FRMD5: variants seen among roughly 807,000 people sequenced by gnomAD.
FRMD5 encodes the protein FERM domain-containing protein 5.
FRMD5 carries 20 observed loss-of-function variants against 69.0 expected under a neutral mutation model. That is an observed-to-expected ratio of 0.29 (90% CI 0.20 to 0.42). The LOEUF (loss-of-function observed/expected upper bound fraction) is 0.42, where lower values mean the gene tolerates loss of function less well. Among genes scored for constraint, FRMD5 ranks in the 10% least tolerant of loss-of-function variants. The probability of loss-of-function intolerance (pLI) is 1.00; values close to 1 mark genes in which losing one functional copy is unlikely to be tolerated. For missense variants in FRMD5, 595 were observed against 708.6 expected, an observed-to-expected ratio of 0.84 and a Z score of 1.82; for synonymous variants, 271 against 260.1, an observed-to-expected ratio of 1.04 and a Z score of -0.40.
chr15:44,074,350 T>C (rs183677618), intron 1 of FRMD5, among the ~76,000 whole-genome samples: 52 of 152,280 alleles, frequency 3.4e-4, no homozygotes, highest in Non-Finnish European at 5.9e-5. Flanking sequence ...GAAGTCCTGG[T>C]TGGCTTTGGT....
chr15:43,967,725 A>T (rs1595569854), intron 1 of FRMD5, among the ~76,000 whole-genome samples: 1 of 148,672 alleles, frequency 6.7e-6, no homozygotes, highest in South Asian at 2.2e-4. Context: ...TGCATTTCCT[A>T]TTTTTTTTTG....
rs144294325 is a variant in FRMD5 at position 43,951,234 on chromosome 15, T to C, written c.103-26925A>G. Among the ~76,000 whole-genome samples, 598 of 152,046 alleles carry C rather than the reference T, an allele frequency of 3.9e-3. 4 individuals carry two copies. The highest frequency in any genetic ancestry group is 0.013 in the African/African-American group (549 of 41,490). Reference sequence around the variant, plus strand: ...AGGAGATCGAGACCATCCTGGCTAATACGGTGAAACCCTGTCTGTACTGAA... The same window carrying C: ...AGGAGATCGAGACCATCCTGGCTAACACGGTGAAACCCTGTCTGTACTGAA... On this transcript the variant is annotated intron_variant, in intron 1 of 13. Transcript: ENST00000417257.
intron 7 of FRMD5, among the ~76,000 whole-genome samples, chr15:43,899,547 A>G (rs531296128): frequency 6.6e-6 from 1 of 152,308 alleles, no homozygotes; most frequent in East Asian, 1.9e-4. Flanking sequence ...GGAGAATAAC[A>G]TCTACCTCCC....
chr15:43,911,378 T>G (rs2089284815), intron 4 of FRMD5, among the ~76,000 whole-genome samples: 1 of 152,250 alleles, frequency 6.6e-6, no homozygotes, highest in South Asian at 2.1e-4. Flanking sequence ...CACTCATTCT[T>G]CTTGAGGTTG....
At chr15:44,015,080 CA>C (rs1890896682) in intron 1 of FRMD5, among the ~76,000 whole-genome samples, 1 of 151,684 alleles carries the variant, frequency 6.6e-6, no homozygotes, top group African/African-American at 2.4e-5. Flanking sequence ...GCCAAATCAC[CA>C]CTTAGGACTA....
intron 1 of FRMD5, among the ~76,000 whole-genome samples, chr15:44,156,027 A>G (rs1194989233): frequency 1.3e-5 from 2 of 152,204 alleles, no homozygotes; most frequent in African/African-American, 2.4e-5. Context: ...CAGTGTCACA[A>G]AAGTTGAACC....
At chr15:44,066,082 A>C (rs1454289285) in intron 1 of FRMD5, among the ~76,000 whole-genome samples, 1 of 152,200 alleles carries the variant, frequency 6.6e-6, no homozygotes, top group Non-Finnish European at 1.5e-5. Context: ...TGTAAAGCTA[A>C]AGCATAAATT....
intron 1 of FRMD5, among the ~76,000 whole-genome samples, chr15:44,051,356 G>A (rs1892658406): frequency 1.4e-5 from 2 of 145,538 alleles, no homozygotes; most frequent in Non-Finnish European, 3.0e-5. Flanking sequence ...TTTACCAGGA[G>A]TTGAAGACCA....
chr15:43,876,289 AC>A, intron 13 of FRMD5: 1 of 1,278,694 alleles, frequency 7.8e-7, no homozygotes, highest in Non-Finnish European at 1.1e-6. Flanking sequence ...CCTGGTTTTT[AC>A]CCCAGTTTGA....
intron 1 of FRMD5, among the ~76,000 whole-genome samples, chr15:43,934,553 T>C (rs2089727091): frequency 6.6e-6 from 1 of 152,098 alleles, no homozygotes; most frequent in Non-Finnish European, 1.5e-5. Flanking sequence ...TCAAAGTAAA[T>C]GGAAAGAGTA....
intron 1 of FRMD5, among the ~76,000 whole-genome samples, chr15:44,062,881 A>C (rs1566927396): frequency 6.6e-6 from 1 of 151,820 alleles, no homozygotes; most frequent in Non-Finnish European, 1.5e-5. Context: ...AGGATATCCA[A>C]TTTTTCCTTG....
chr15:44,178,015 C>T (rs145073612), intron 1 of FRMD5, among the ~76,000 whole-genome samples: 254 of 152,222 alleles, frequency 1.7e-3, no homozygotes, highest in Middle Eastern at 6.8e-3. Context: ...AAATTGTACC[C>T]CAATAAATCT....
intron 1 of FRMD5, among the ~76,000 whole-genome samples, chr15:44,009,946 T>C (rs1471678381): frequency 6.6e-6 from 1 of 152,238 alleles, no homozygotes; most frequent in Admixed American, 6.5e-5. Context: ...GGATCTCTAC[T>C]GCATCTTTTT....
chr15:44,029,290 C>T (rs531007331), intron 1 of FRMD5, among the ~76,000 whole-genome samples: 4 of 150,324 alleles, frequency 2.7e-5, no homozygotes, highest in East Asian at 2.0e-4. Context: ...TAAAGCCCTT[C>T]GGATAACACT....
intron 4 of FRMD5, among the ~76,000 whole-genome samples, chr15:43,912,274 C>T (rs903952445): frequency 1.3e-5 from 2 of 152,162 alleles, no homozygotes; most frequent in African/African-American, 4.8e-5. Flanking sequence ...ACCAACCCTA[C>T]TCTGCCCAAA....
chr15:44,047,047 C>T (rs1052644418), intron 1 of FRMD5, among the ~76,000 whole-genome samples: 4 of 152,328 alleles, frequency 2.6e-5, no homozygotes, highest in African/African-American at 7.2e-5. Flanking sequence ...TGGCTCATGC[C>T]TGTAATCCTA....
intron 1 of FRMD5, among the ~76,000 whole-genome samples, chr15:44,137,433 C>T (rs1175445606): frequency 6.6e-6 from 1 of 152,208 alleles, no homozygotes; most frequent in Non-Finnish European, 1.5e-5. Context: ...AAAATGAATG[C>T]TCTGTGCCCT....
At chr15:43,981,029 A>G (rs1027427095) in intron 1 of FRMD5, among the ~76,000 whole-genome samples, 1 of 152,178 alleles carries the variant, frequency 6.6e-6, no homozygotes, top group Non-Finnish European at 1.5e-5. Flanking sequence ...ACACATACAC[A>G]TTTTGAGACA....
chr15:44,195,181 T>A lies in FRMD5; in HGVS notation c.-127A>T. 1 of 653,928 alleles carries A rather than the reference T, an allele frequency of 1.5e-6. No individual in the cohort carries two copies. Among genetic ancestry groups the A allele is most frequent in the Non-Finnish European group, 2.5e-6 (1 of 404,222 alleles). 40.5% of individuals were successfully genotyped at this position (653,928 alleles called of 1,614,324 possible). The stretch of plus-strand genomic sequence containing the variant: ...ATCACCCCGGCCCCGTCGCTGCCGT[T>A]GCCTCCTGCTGGCCTCGTTCCTCCT... On this transcript the variant is annotated 5_prime_UTR_variant, in exon 1 of 14. Transcript: ENST00000417257.
Sources: allele counts gnomAD v4.1 joint callset (sites outside exome capture counted in the v4.1 genomes callset), GRCh38; gene constraint gnomAD v4.1.1; transcripts MANE v1.5; gene names NCBI Gene and HGNC (gene_info 2026-07-23, HGNC 2026-07-21).